The following GRHL2 variants were observed in gnomAD, a reference collection of about 807,000 sequenced individuals.
The protein encoded by GRHL2 is grainyhead-like protein 2 homolog.
A neutral mutation model predicts 83.8 loss-of-function variants in GRHL2; 21 were observed. That is an observed-to-expected ratio of 0.25 (90% CI 0.18 to 0.36). GRHL2 has a LOEUF of 0.36. GRHL2 is among the 10% of genes least tolerant of loss of function. The pLI, the probability that GRHL2 is intolerant of heterozygous loss-of-function variation, is 1.00. For synonymous variants in GRHL2, 280 were observed against 278.9 expected, an observed-to-expected ratio of 1.00 and a Z score of -0.04; for missense variants, 623 against 781.8, an observed-to-expected ratio of 0.80 and a Z score of 2.42.
At chr8:101,576,883 T>C (rs1466802464) in intron 6 of GRHL2, among the ~76,000 whole-genome samples, 1 of 152,230 alleles carries the variant, frequency 6.6e-6, no homozygotes, top group Non-Finnish European at 1.5e-5. Context: ...GTAGTTTAGA[T>C]CTATGTTCAC....
Position 101,543,272 on chromosome 8 carries a change from C to G in GRHL2, c.52C>G (p.Pro18Ala), listed in dbSNP as rs1416651218. The G allele has an allele frequency of 2.5e-6, 4 of 1,614,072 alleles. No homozygotes were observed. The South Asian group carries it at 4.4e-5, about 18-fold the overall frequency. ...NKRLVALVPM[P>A]SDPPFNTRRA... The stretch of plus-strand genomic sequence containing the variant: ...AAGACTAGTGGCCTTAGTGCCCATG[C>G]CCAGTGACCCTCCATTCAATACCCG... Residue 18 changes from proline to alanine, a missense_variant, in exon 2 of 16, where the codon CCC (proline) becomes GCC (alanine). Physicochemically the swap from Pro to Ala is conservative, Grantham distance 27. Coordinates refer to ENST00000646743, the MANE Select transcript of GRHL2 (RefSeq NM_024915.4).
chr8:101,562,224 C>A (rs542104919), intron 4 of GRHL2: 5 of 603,590 alleles, frequency 8.3e-6, no homozygotes, highest in Non-Finnish European at 1.6e-5. Context: ...TGAATCAATA[C>A]TTTTATTCCA....
intron 8 of GRHL2, among the ~76,000 whole-genome samples, chr8:101,600,227 A>C (rs1209669040): frequency 6.6e-6 from 1 of 152,216 alleles, no homozygotes; most frequent in African/African-American, 2.4e-5. Context: ...GAGTGCCCGT[A>C]CAGCCTGGAG....
the GRHL2 span, among the ~76,000 whole-genome samples, chr8:101,675,155 G>C: frequency 2.0e-5 from 3 of 152,074 alleles, no homozygotes; most frequent in African/African-American, 7.2e-5. Context: ...GCACAAGACA[G>C]GGATGCCCTC....
At chr8:101,541,115 C>T (rs1811143860) in intron 1 of GRHL2, among the ~76,000 whole-genome samples, 1 of 151,068 alleles carries the variant, frequency 6.6e-6, no homozygotes, top group Middle Eastern at 3.4e-3. Flanking sequence ...GACCTCCTTT[C>T]ATTCTTTTTT....
intron 9 of GRHL2, among the ~76,000 whole-genome samples, chr8:101,620,532 C>A (rs1812944117): frequency 6.6e-6 from 1 of 152,174 alleles, no homozygotes; most frequent in African/African-American, 2.4e-5. Context: ...TACTTTGAAT[C>A]TCCCTGAATC....
chr8:101,507,132 A>G (rs1810356787), intron 1 of GRHL2, among the ~76,000 whole-genome samples: 1 of 152,184 alleles, frequency 6.6e-6, no homozygotes, highest in Non-Finnish European at 1.5e-5. Flanking sequence ...ATAAATTGAG[A>G]TACTCATATT....
Position 101,638,081 on chromosome 8 carries a change from T to C in GRHL2, c.1517+1153T>C, listed in dbSNP as rs1813325236. Among the ~76,000 whole-genome samples the C allele has an allele frequency of 2.6e-5, 4 of 152,356 alleles. No individual in the cohort carries two copies. The South Asian group carries it at 8.3e-4, about 32-fold the overall frequency. On this transcript the variant is annotated intron_variant, in intron 12 of 15. Coordinates refer to ENST00000646743, the MANE Select transcript of GRHL2 (RefSeq NM_024915.4). Reference sequence around the variant, plus strand: ...TTTTATACTCAAAGCAATCTAGAACTACATGCATTTTCAATAGCTACTTTA... The same window carrying C: ...TTTTATACTCAAAGCAATCTAGAACCACATGCATTTTCAATAGCTACTTTA...
chr8:101,566,590 AT>A (rs1811722674), intron 4 of GRHL2, among the ~76,000 whole-genome samples: 1 of 147,984 alleles, frequency 6.8e-6, no homozygotes, highest in Admixed American at 6.8e-5. Context: ...ATATAATAAT[AT>A]TATTATATAT....
At chr8:101,526,813 G>T (rs866776549) in intron 1 of GRHL2, among the ~76,000 whole-genome samples, 3 of 152,026 alleles carry the variant, frequency 2.0e-5, no homozygotes, top group Admixed American at 6.5e-5. Flanking sequence ...TGCTTTACAC[G>T]TACTTCCTGC....
chr8:101,618,277 A>G (rs75388755), intron 8 of GRHL2, among the ~76,000 whole-genome samples: 2,475 of 152,302 alleles, frequency 0.016, 68 homozygotes, highest in South Asian at 0.1. Context: ...CCAATATTTT[A>G]TAATAAAATA....
chr8:101,538,240 C>T (rs947957665), intron 1 of GRHL2, among the ~76,000 whole-genome samples: 2 of 152,110 alleles, frequency 1.3e-5, no homozygotes, highest in Non-Finnish European at 2.9e-5. Flanking sequence ...AGCATTCCTG[C>T]ATTTGACTGC....
chr8:101,565,489 C>T (rs748218074), intron 4 of GRHL2, among the ~76,000 whole-genome samples: 4 of 152,142 alleles, frequency 2.6e-5, no homozygotes, highest in Non-Finnish European at 5.9e-5. Flanking sequence ...CATGTCTGTA[C>T]AGTTCTCTTC....
At chr8:101,536,702 G>T (rs371805761) in intron 1 of GRHL2, among the ~76,000 whole-genome samples, 57 of 152,284 alleles carry the variant, frequency 3.7e-4, no homozygotes, top group African/African-American at 1.3e-3. Flanking sequence ...AGGAGTGCCT[G>T]GTTGAGAACT....
intron 9 of GRHL2, among the ~76,000 whole-genome samples, chr8:101,626,274 TAATC>T (rs545283047): frequency 1.9e-3 from 294 of 152,140 alleles, no homozygotes; most frequent in African/African-American, 4.0e-3. Flanking sequence ...ATCAATCAAT[TAATC>T]AATTCTAATT....
At chr8:101,673,437 C>T (rs201298893), downstream of GRHL2, among the ~76,000 whole-genome samples, 1 of 151,174 alleles carries the variant, frequency 6.6e-6, no homozygotes, top group Non-Finnish European at 1.5e-5. Flanking sequence ...AACCAACAAA[C>T]ATCAAAAGAG....
chr8:101,515,176 G>GCACACACACA (rs4002325), intron 1 of GRHL2, among the ~76,000 whole-genome samples: 22,703 of 144,358 alleles, frequency 0.16, 1,920 homozygotes, highest in East Asian at 0.2. Context: ...CTGTCTCTCT[G>GCACACACACA]CACACACACA....
Position 101,585,679 on chromosome 8 carries a change from T to C in GRHL2, c.1003+8160T>C, listed in dbSNP as rs11987493. On this transcript the variant is annotated intron_variant, in intron 7 of 15. Transcript: ENST00000646743. ...AAGCTGCAGTTATGGAAAACTCCTT[T>C]TCATCTCAACCTTGATTAGAAACAG... Among the ~76,000 whole-genome samples the C allele has an allele frequency of 6.7e-3, 1,021 of 152,358 alleles. 13 individuals carry two copies. The highest frequency in any genetic ancestry group is 0.024 in the African/African-American group (978 of 41,582).
intron 8 of GRHL2, among the ~76,000 whole-genome samples, chr8:101,613,366 G>T (rs1410494316): frequency 1.3e-5 from 2 of 150,856 alleles, no homozygotes; most frequent in African/African-American, 2.5e-5. Context: ...CTATATAATT[G>T]TACGTTTTAT....
Sources: gnomAD v4.1 joint callset for allele counts (sites outside exome capture counted in the v4.1 genomes callset) on GRCh38, gnomAD v4.1.1 for gene constraint, MANE v1.5 for transcripts, NCBI Gene and HGNC (gene_info 2026-07-23, HGNC 2026-07-21) for gene names.